The following SGCG variants were observed in gnomAD, a reference collection of about 807,000 sequenced individuals.
SGCG encodes gamma-sarcoglycan.
Under a neutral mutation model 29.3 loss-of-function variants are expected in SGCG, and 26 were observed. The observed-to-expected ratio is 0.89, with a 90% CI of 0.65 to 1.23. The LOEUF (loss-of-function observed/expected upper bound fraction) is 1.23. Ranked by LOEUF, SGCG falls within the 50% of genes most tolerant of loss-of-function variation. The probability of loss-of-function intolerance (pLI) is 0.00; values close to 1 mark genes in which losing one functional copy is unlikely to be tolerated. For missense variants in SGCG, 353 were observed against 356.0 expected (o/e 0.99, Z 0.07); for synonymous variants, 145 against 129.7 (o/e 1.12, Z -0.80).
intron 2 of SGCG, among the ~76,000 whole-genome samples, chr13:23,220,824 TGTGA>T (rs1481812827): frequency 2.0e-5 from 3 of 152,186 alleles, no homozygotes; most frequent in Non-Finnish European, 4.4e-5. Context: ...TTAGTCTCTT[TGTGA>T]GTATTAGAAG....
At chr13:23,189,498 A>G (rs1041846194) in intron 1 of SGCG, among the ~76,000 whole-genome samples, 1 of 152,126 alleles carries the variant, frequency 6.6e-6, no homozygotes, top group African/African-American at 2.4e-5. Flanking sequence ...TTTTTTTGGA[A>G]AATAATTTTC....
At chr13:23,302,196 A>G (rs988913671) in intron 6 of SGCG, among the ~76,000 whole-genome samples, 7 of 151,592 alleles carry the variant, frequency 4.6e-5, no homozygotes, top group Non-Finnish European at 8.8e-5. Flanking sequence ...TTTTCCCAAT[A>G]TACACTACTT....
At chr13:23,181,737 T>C (rs1303866399) in intron 1 of SGCG, among the ~76,000 whole-genome samples, 9 of 152,344 alleles carry the variant, frequency 5.9e-5, no homozygotes, top group African/African-American at 1.9e-4. Context: ...ACTGAAGTTA[T>C]GAGTTCTTTC....
At chr13:23,309,729 G>A (rs1221399409) in intron 6 of SGCG, among the ~76,000 whole-genome samples, 4 of 152,152 alleles carry the variant, frequency 2.6e-5, no homozygotes, top group South Asian at 2.1e-4. Context: ...CAAACAGTGT[G>A]TGTAAGAGCA....
chr13:23,172,840 G>A, the SGCG span, among the ~76,000 whole-genome samples: 1 of 152,154 alleles, frequency 6.6e-6, no homozygotes, highest in Non-Finnish European at 1.5e-5. Flanking sequence ...AGGTGCTTAG[G>A]GGGACACCAG....
intron 6 of SGCG, among the ~76,000 whole-genome samples, chr13:23,316,770 G>A (rs560926371): frequency 2.0e-5 from 3 of 152,274 alleles, no homozygotes; most frequent in African/African-American, 7.2e-5. Context: ...GAGGACTGCT[G>A]CCACCAGGAG....
intron 6 of SGCG, among the ~76,000 whole-genome samples, chr13:23,303,929 T>TA (rs74777047): frequency 0.72 from 109,761 of 151,976 alleles, 41,544 homozygotes; most frequent in East Asian, 0.89. Flanking sequence ...CAATGTGTTT[T>TA]AAATATTTTA....
chr13:23,193,297 A>G lies in SGCG; in HGVS notation c.1-10398A>G, dbSNP rs75757325. ...CAGATGGAGTGAAGCTTCATCTGAC[A>G]TGCAGTGGGAAGCCACGAGTGACTT... is the stretch of plus-strand genomic sequence containing the variant. On this transcript the variant is annotated intron_variant, in intron 1 of 7. Coordinates refer to ENST00000218867, the MANE Select transcript of SGCG (RefSeq NM_000231.3). 7.7e-3 allele frequency among the ~76,000 whole-genome samples: 1,180 copies of G among 152,356 alleles called. 17 individuals are homozygous for G. Among genetic ancestry groups the G allele is most frequent in the African/African-American group, 0.026 (1,090 of 41,588 alleles).
intron 1 of SGCG, among the ~76,000 whole-genome samples, chr13:23,195,811 G>A (rs567020463): frequency 1.3e-5 from 2 of 152,014 alleles, no homozygotes; most frequent in South Asian, 4.2e-4. Context: ...TTGACTAAAA[G>A]ATAAAGGAGA....
the SGCG span, chr13:23,170,620 GTTAA>G: frequency 0.12 from 18,539 of 152,290 alleles, 1,161 homozygotes; most frequent in East Asian, 0.15. Flanking sequence ...CAGCCTCAAC[GTTAA>G]TTGTCTTGCC....
At chr13:23,174,094 C>T in the SGCG span, among the ~76,000 whole-genome samples, 7 of 152,166 alleles carry the variant, frequency 4.6e-5, no homozygotes, top group Non-Finnish European at 1.5e-5. Flanking sequence ...CAATCTGCTT[C>T]CCAACCCTCC....
chr13:23,317,989 G>A (rs770218841), intron 6 of SGCG, among the ~76,000 whole-genome samples: 19 of 152,178 alleles, frequency 1.2e-4, no homozygotes, highest in Non-Finnish European at 2.5e-4. Context: ...CAAATATAAT[G>A]CAGGCAGAAA....
At chr13:23,281,705 A>G (rs1341792404) in intron 5 of SGCG, among the ~76,000 whole-genome samples, 4 of 152,220 alleles carry the variant, frequency 2.6e-5, no homozygotes, top group Non-Finnish European at 5.9e-5. Context: ...GATTCTCATC[A>G]GGAGCACGCA....
At chr13:23,178,645 A>C (rs1876633225), upstream of SGCG, among the ~76,000 whole-genome samples, 1 of 152,186 alleles carries the variant, frequency 6.6e-6, no homozygotes, top group African/African-American at 2.4e-5. Flanking sequence ...CCAAATCATT[A>C]AAATACTCCG....
Position 23,225,516 on chromosome 13 carries a change from T to C in SGCG, c.196-9095T>C, listed in dbSNP as rs141533148. Among the ~76,000 whole-genome samples the C allele has an allele frequency of 6.0e-4, 92 of 152,332 alleles. 2 individuals are homozygous for C. In the East Asian group the frequency reaches 0.016, roughly 26 times the overall value. ...TCATAGTCTTTTACTGACATTTATT[T>C]TGATGCTCAAACTTTCTCTGATTTG... On this transcript the variant is annotated intron_variant, in intron 2 of 7. Coordinates refer to ENST00000218867, the MANE Select transcript of SGCG (RefSeq NM_000231.3).
At chr13:23,277,811 G>T (rs184662669) in intron 4 of SGCG, among the ~76,000 whole-genome samples, 17 of 147,496 alleles carry the variant, frequency 1.2e-4, no homozygotes, top group Admixed American at 7.6e-4. Flanking sequence ...CCATTCTCCC[G>T]CCTCAGCCTC....
In SGCG at chr13:23,305,708, T is replaced by C. The variant is rs142334694; in HGVS notation, c.578+10221T>C. 1.8e-3 allele frequency among the ~76,000 whole-genome samples: 278 copies of C among 152,328 alleles called. 2 individuals are homozygous for C. The highest frequency in any genetic ancestry group is 0.014 in the Middle Eastern group (4 of 294). ...ATTTCTATTTTGTGTTGAATGGGTA[T>C]TGAATTTAGTAAGACAGTCTTTAGT... On this transcript the variant is annotated intron_variant, in intron 6 of 7. Transcript: ENST00000218867.
chr13:23,239,205 A>C (rs1219166560), intron 3 of SGCG, among the ~76,000 whole-genome samples: 1 of 152,148 alleles, frequency 6.6e-6, no homozygotes, highest in African/African-American at 2.4e-5. Context: ...AAAATCTTAA[A>C]GAGAAAGCCT....
At chr13:23,250,371 T>C (rs532363971) in intron 3 of SGCG, among the ~76,000 whole-genome samples, 2 of 149,222 alleles carry the variant, frequency 1.3e-5, no homozygotes, top group East Asian at 4.6e-4. Context: ...TCTAAATAAT[T>C]CATATTTTTT....
Sources: gnomAD v4.1 joint callset for allele counts (sites outside exome capture counted in the v4.1 genomes callset) on GRCh38, gnomAD v4.1.1 for gene constraint, MANE v1.5 for transcripts, NCBI Gene and HGNC (gene_info 2026-07-23, HGNC 2026-07-21) for gene names.